Variants in SPTBN1 observed in about 807,000 individuals in gnomAD.
The protein encoded by SPTBN1 is spectrin beta chain, non-erythrocytic 1.
A neutral mutation model predicts 266.4 loss-of-function variants in SPTBN1; 32 were observed. The observed-to-expected ratio is 0.12, with a 90% confidence interval of 0.09 to 0.16. The LOEUF (loss-of-function observed/expected upper bound fraction) is 0.16. Among genes scored for constraint, SPTBN1 ranks in the 10% least tolerant of loss-of-function variants. The pLI is 1.00. For synonymous variants in SPTBN1, 1,336 were observed against 1,162.2 expected, an observed-to-expected ratio of 1.15 and a Z score of -3.04; for missense variants, 2,296 against 3,067.1, an observed-to-expected ratio of 0.75 and a Z score of 5.94.
intron 1 of SPTBN1, among the ~76,000 whole-genome samples, chr2:54,523,181 G>T (rs1670591412): frequency 1.3e-5 from 2 of 152,262 alleles, no homozygotes; most frequent in East Asian, 1.9e-4. Context: ...GCCACTGTAA[G>T]ATCATTCAAT....
At chr2:54,632,077 TA>T (rs34563622) in intron 16 of SPTBN1, among the ~76,000 whole-genome samples, 5,207 of 120,816 alleles carry the variant, frequency 0.043, 323 homozygotes, top group African/African-American at 0.14. Context: ...CCCTGTCTCT[TA>T]AAAAAAAAAA....
intron 12 of SPTBN1, among the ~76,000 whole-genome samples, chr2:54,627,308 T>C (rs1678413638): frequency 6.6e-6 from 1 of 152,218 alleles, no homozygotes; most frequent in African/African-American, 2.4e-5. Flanking sequence ...TGATGCACAT[T>C]GTAACTCAGT....
At chr2:54,457,844 C>T (rs991732392) in intron 1 of SPTBN1, among the ~76,000 whole-genome samples, 6 of 152,218 alleles carry the variant, frequency 3.9e-5, no homozygotes, top group Admixed American at 1.3e-4. Flanking sequence ...GATGATCCCT[C>T]CTGCACCTCT....
At chr2:54,528,829 T>TA (rs2104337261) in intron 2 of SPTBN1, 1 of 152,156 alleles carries the variant, frequency 6.6e-6, no homozygotes, top group African/African-American at 2.4e-5. Context: ...CAGGGCAAAA[T>TA]ATTGAAAAGG....
chr2:54,640,156 C>T (rs1026309434), intron 18 of SPTBN1, among the ~76,000 whole-genome samples: 3 of 152,144 alleles, frequency 2.0e-5, no homozygotes, highest in South Asian at 2.1e-4. Context: ...TATTAAAATA[C>T]ACCCCTTTTA....
At chr2:54,494,967 A>G (rs770119705) in intron 1 of SPTBN1, among the ~76,000 whole-genome samples, 11 of 151,806 alleles carry the variant, frequency 7.2e-5, no homozygotes, top group African/African-American at 1.5e-4. Flanking sequence ...TTGTCTGCCA[A>G]TTGCACCGTT....
rs117755130 is a variant in SPTBN1, at chr2:54,621,599, A to G, written c.876+87A>G. 3.1e-3 allele frequency: 3,336 copies of G among 1,077,178 alleles called. 101 individuals carry two copies. The East Asian group carries it at 0.073, about 24-fold the overall frequency. 66.7% of individuals were successfully genotyped at this position (1,077,178 alleles called of 1,614,324 possible). Reference sequence around the variant, plus strand: ...TCCCATGCACTCATAAAATTTGCCAATAGCAATTTGTAGTGGACTCTCCGG... The same window carrying G: ...TCCCATGCACTCATAAAATTTGCCAGTAGCAATTTGTAGTGGACTCTCCGG... On this transcript the variant is annotated intron_variant, in intron 8 of 35. Coordinates refer to ENST00000356805, the MANE Select transcript of SPTBN1 (RefSeq NM_003128.3).
chr2:54,585,750 G>A (rs1448142819), intron 2 of SPTBN1, among the ~76,000 whole-genome samples: 1 of 152,112 alleles, frequency 6.6e-6, no homozygotes, highest in Non-Finnish European at 1.5e-5. Flanking sequence ...CCTTCCCAGT[G>A]TCCTTATATT....
Position 54,627,558 on chromosome 2 carries a change from TTGTG to T in SPTBN1, c.1645-537_1645-534del, listed in dbSNP as rs1678435707. On this transcript the variant is annotated intron_variant, in intron 12 of 35. Transcript: ENST00000356805. The stretch of plus-strand genomic sequence containing the variant: ...TTCAAGTAGATTGTTTTCCCATTGA[TTGTG>T]TAAGTACAGTAGAGGCATACCAATA... Among the ~76,000 whole-genome samples, 5 of 152,342 alleles carry T rather than the reference TTGTG, an allele frequency of 3.3e-5. No homozygotes were observed. The South Asian group carries it at 1.0e-3, about 32-fold the overall frequency.
chr2:54,641,595 T>A (rs1679563066), intron 18 of SPTBN1, among the ~76,000 whole-genome samples: 1 of 152,246 alleles, frequency 6.6e-6, no homozygotes, highest in Non-Finnish European at 1.5e-5. Context: ...AAGGACTTTA[T>A]GAGATTTGCT....
intron 1 of SPTBN1, among the ~76,000 whole-genome samples, chr2:54,495,030 T>A (rs1335321780): frequency 6.6e-6 from 1 of 152,092 alleles, no homozygotes; most frequent in African/African-American, 2.4e-5. Context: ...AGAAGTGGGC[T>A]GACAGGTGTA....
rs1681556170 is a variant in SPTBN1 at position 54,668,770 on chromosome 2, G to A, written c.*201G>A. The A allele has an allele frequency of 3.7e-6, 2 of 539,276 alleles. No homozygotes were observed. The allele number at this position is 539,276 out of a possible 1,614,324, so 33.4% of individuals were successfully genotyped here. ...TATCTCCAAGTTACAAAAGTTTGAG[G>A]TGCAGAGGGAAGGCCAGATTTTTTT... On this transcript the variant is annotated 3_prime_UTR_variant, in exon 36 of 36. Transcript: ENST00000356805.
intron 17 of SPTBN1, among the ~76,000 whole-genome samples, chr2:54,634,695 C>G (rs555223148): frequency 3.3e-5 from 5 of 152,286 alleles, no homozygotes; most frequent in Admixed American, 6.5e-5. Context: ...ATATAATCCC[C>G]GCTCCTCGAA....
Position 54,645,857 on chromosome 2 carries a change from C to G in SPTBN1, c.4495-71C>G. The G allele has an allele frequency of 5.2e-6, 8 of 1,551,066 alleles. No homozygotes were observed. Among genetic ancestry groups the G allele is most frequent in the Non-Finnish European group, 7.1e-6 (8 of 1,126,098 alleles). On this transcript the variant is annotated intron_variant, in intron 21 of 35. Coordinates refer to ENST00000356805, the MANE Select transcript of SPTBN1 (RefSeq NM_003128.3). The surrounding 1 kb of genome is among the most constrained non-coding windows in gnomAD (Gnocchi z 4.3). Reference sequence around the variant, plus strand: ...TCACCCTTGCTGTCCCTCACTGCCCCTCACTGCTCGTTTGTGTCGTATATT... The same window carrying G: ...TCACCCTTGCTGTCCCTCACTGCCCGTCACTGCTCGTTTGTGTCGTATATT...
At chr2:54,506,699 G>A (rs1669577203) in intron 1 of SPTBN1, among the ~76,000 whole-genome samples, 1 of 152,150 alleles carries the variant, frequency 6.6e-6, no homozygotes, top group African/African-American at 2.4e-5. Flanking sequence ...AGTTCTTGGA[G>A]AGTACAGTAT....
chr2:54,630,061 C>T, intron 15 of SPTBN1, 32 bp downstream of exon 15: 1 of 1,605,348 alleles, frequency 6.2e-7, no homozygotes, highest in Non-Finnish European at 8.5e-7. Flanking sequence ...TGCCAGCCTC[C>T]CACGTGTGGG....
At chr2:54,553,176 A>G (rs1487181656) in intron 2 of SPTBN1, among the ~76,000 whole-genome samples, 1 of 152,168 alleles carries the variant, frequency 6.6e-6, no homozygotes, top group Non-Finnish European at 1.5e-5. Context: ...GGAAATTTCC[A>G]TTGAAAAAGG....
intron 2 of SPTBN1, among the ~76,000 whole-genome samples, chr2:54,532,474 C>T (rs1453135093): frequency 1.3e-5 from 2 of 152,104 alleles, no homozygotes; most frequent in Non-Finnish European, 2.9e-5. Context: ...GTATATGTAA[C>T]AGACTGGCAA....
chr2:54,604,746 A>G (rs10188548), intron 3 of SPTBN1, among the ~76,000 whole-genome samples: 6,218 of 152,174 alleles, frequency 0.041, 388 homozygotes, highest in African/African-American at 0.14. Flanking sequence ...TTAGGACTAG[A>G]CGGGACCTTG....
Sources: allele counts gnomAD v4.1 joint callset (sites outside exome capture counted in the v4.1 genomes callset), GRCh38; gene constraint gnomAD v4.1.1; non-coding constraint Gnocchi (gnomAD v3.1); transcripts MANE v1.5; gene names NCBI Gene and HGNC (gene_info 2026-07-23, HGNC 2026-07-21).